MCM5: variants seen among roughly 807,000 people sequenced by gnomAD.
MCM5 encodes DNA replication licensing factor MCM5.
Under a neutral mutation model 79.9 loss-of-function variants are expected in MCM5, and 46 were observed. That is an observed-to-expected ratio of 0.58 (90% CI 0.45 to 0.74). The LOEUF is 0.74. Ranked by LOEUF, MCM5 falls within the 30% of genes least tolerant of loss-of-function variation. MCM5 has a pLI of 0.00. For missense variants in MCM5, 883 were observed against 1,017.0 expected (o/e 0.87, Z 1.79); for synonymous variants, 404 against 390.5 (o/e 1.03, Z -0.41).
intron 7 of MCM5, chr22:35,411,226 C>T: frequency 4.7e-6 from 1 of 212,674 alleles, no homozygotes; most frequent in Non-Finnish European, 9.5e-6. Context: ...ACGCAGGGTT[C>T]CAGGCAGGCA....
At chr22:35,451,086 A>C in the MCM5 span, among the ~76,000 whole-genome samples, 7 of 152,030 alleles carry the variant, frequency 4.6e-5, no homozygotes, top group Non-Finnish European at 8.8e-5. Context: ...TCTACCCCAA[A>C]TGGTGTTCAC....
At chr22:35,414,614 G>A (rs1282087708) in intron 9 of MCM5, among the ~76,000 whole-genome samples, 1 of 151,660 alleles carries the variant, frequency 6.6e-6, no homozygotes, top group African/African-American at 2.4e-5. Flanking sequence ...GTGAGACCAT[G>A]TTTCAAATAA....
rs1305337275 is a variant in MCM5 at position 35,410,793 on chromosome 22, A to G, written c.802A>G (p.Ile268Val). The G allele has an allele frequency of 6.2e-7, 1 of 1,614,088 alleles. No homozygotes were observed. Among genetic ancestry groups the G allele is most frequent in the Admixed American group, 1.7e-5 (1 of 60,008 alleles). Reference protein sequence around the residue: ...VPGNRVTIMGIYSIKKFGLTT... With the variant: ...VPGNRVTIMGVYSIKKFGLTT... ...TGGGAACAGGGTTACCATCATGGGC[A>G]TCTACTCCATCAAGAAGTTTGGCCT... Residue 268 changes from isoleucine to valine, a missense_variant, in exon 7 of 17, where the codon ATC (isoleucine) becomes GTC (valine). Transcript: ENST00000216122.
At chr22:35,421,667 C>T (rs1932699532) in intron 15 of MCM5, 1 of 676,200 alleles carries the variant, frequency 1.5e-6, no homozygotes, top group Non-Finnish European at 2.6e-6. Flanking sequence ...GAAGCAGCTT[C>T]TCTCCAGACC....
At chr22:35,453,815 T>G in the MCM5 span, among the ~76,000 whole-genome samples, 218 of 89,194 alleles carry the variant, frequency 2.4e-3, no homozygotes, top group East Asian at 0.018. Context: ...TATATATATA[T>G]ATATAGAGAG....
the MCM5 span, among the ~76,000 whole-genome samples, chr22:35,445,989 CCA>C: frequency 1.3e-5 from 2 of 152,226 alleles, no homozygotes; most frequent in Non-Finnish European, 2.9e-5. Context: ...TGGTTTATCT[CCA>C]CATCTTTCTG....
intron 9 of MCM5, among the ~76,000 whole-genome samples, chr22:35,415,074 T>C (rs1314365202): frequency 6.6e-6 from 1 of 151,954 alleles, no homozygotes; most frequent in Non-Finnish European, 1.5e-5. Flanking sequence ...CATTAAAAAG[T>C]AGCTGGGTGC....
chr22:35,420,129 C>G (rs1436957611), intron 14 of MCM5, 117 bp downstream of exon 14: 8 of 1,246,584 alleles, frequency 6.4e-6, no homozygotes, highest in African/African-American at 3.1e-5. Flanking sequence ...CCCATAGTAG[C>G]TCTGGGCAGG....
chr22:35,400,350 A>G (rs933501662), intron 1 of MCM5, 81 bp from the exon 2 acceptor site: 34 of 1,529,662 alleles, frequency 2.2e-5, no homozygotes, highest in Non-Finnish European at 2.8e-5. Context: ...CTCCGGACTC[A>G]GGGCAGGGAC....
chr22:35,440,521 G>A, the MCM5 span, among the ~76,000 whole-genome samples: 1 of 152,204 alleles, frequency 6.6e-6, no homozygotes, highest in Admixed American at 6.5e-5. Flanking sequence ...TACGGACCCT[G>A]CCTTCCATGT....
Position 35,416,653 on chromosome 22 carries a change from A to G in MCM5, c.1429A>G (p.Thr477Ala). ...CGCCTGTTAGGCTGGGATCACCACC[A>G]CCCTGAACTCCCGCTGCTCCGTCCT... ...ISIAKAGITTTLNSRCSVLAA... is the reference protein window; with the variant it reads ...ISIAKAGITTALNSRCSVLAA... The change falls in exon 12 of 17, where the codon ACC (threonine) becomes GCC (alanine). Residue 477 changes from threonine (T) to alanine (A), a missense_variant. Around this residue, in one of 3 missense-constraint regions of MCM5, gnomAD observed 426 missense variants for 482.3 expected, o/e 0.88. Coordinates refer to ENST00000216122, the MANE Select transcript of MCM5 (RefSeq NM_006739.4). The G allele has an allele frequency of 6.2e-7, 1 of 1,612,752 alleles. No individual in the cohort carries two copies. The highest frequency in any genetic ancestry group is 1.7e-5 in the Admixed American group (1 of 59,802).
At position 35,406,629 on chromosome 22, in the gene MCM5, G is replaced by C. The variant is rs200021712; in HGVS notation, c.500G>C (p.Arg167Pro). Reference protein sequence around the residue: ...AASAVRAKATRISIQCRSCRN... With the variant: ...AASAVRAKATPISIQCRSCRN... ...TCTGCGGTCCGTGCCAAGGCCACCCGCATCTCTATCCAGTGCCGCAGCTGC... is the reference window on the plus strand; with the variant it reads ...TCTGCGGTCCGTGCCAAGGCCACCCCCATCTCTATCCAGTGCCGCAGCTGC... The change falls in exon 5 of 17, where the codon CGC becomes CCC. Residue 167 changes from arginine to proline, a missense_variant. Physicochemically the swap from Arg to Pro is moderately radical, Grantham distance 103. This residue lies in a region of MCM5 where 455 missense variants were observed against 517.5 expected (regional missense o/e 0.88). Coordinates refer to ENST00000216122, the MANE Select transcript of MCM5 (RefSeq NM_006739.4). 5 of 1,613,076 alleles carry C rather than the reference G, an allele frequency of 3.1e-6. No homozygotes were observed. In the East Asian group the frequency reaches 1.1e-4, roughly 36 times the overall value.
chr22:35,444,509 C>A, the MCM5 span, among the ~76,000 whole-genome samples: 1 of 152,072 alleles, frequency 6.6e-6, no homozygotes, highest in African/African-American at 2.4e-5. Context: ...TGGGCTGTCG[C>A]GGCCCAGAGC....
In MCM5 at chr22:35,410,895, G is replaced by T; in HGVS notation, c.904G>T (p.Asp302Tyr). 6.2e-7 allele frequency: 1 copy of T among 1,604,780 alleles called. No homozygotes were observed. The highest frequency in any genetic ancestry group is 8.5e-7 in the Non-Finnish European group (1 of 1,173,486). The change falls in exon 7 of 17, where the codon GAC (aspartate) becomes TAC (tyrosine). Residue 302 changes from aspartate to tyrosine, a missense_variant. Physicochemically the swap from Asp to Tyr is radical, Grantham distance 160. Coordinates refer to ENST00000216122, the MANE Select transcript of MCM5 (RefSeq NM_006739.4). ...CATCCGTGTCCTGGGCATCCAGGTGGACACAGATGGCTCTGGTGAGTTGGC... is the reference window on the plus strand; with the variant it reads ...CATCCGTGTCCTGGGCATCCAGGTGTACACAGATGGCTCTGGTGAGTTGGC... ...SYIRVLGIQV[D>Y]TDGSGRSFAG... is the part of the protein sequence containing the mutation.
the MCM5 span, among the ~76,000 whole-genome samples, chr22:35,434,614 C>T: frequency 6.6e-6 from 1 of 152,212 alleles, no homozygotes; most frequent in Admixed American, 6.5e-5. Flanking sequence ...GATGAGAAAG[C>T]TTGGGCATTC....
chr22:35,450,074 A>G, the MCM5 span, among the ~76,000 whole-genome samples: 9 of 152,158 alleles, frequency 5.9e-5, no homozygotes, highest in Non-Finnish European at 1.2e-4. Flanking sequence ...CCTTGGGCTG[A>G]GAAGGAGACA....
At chr22:35,421,729 G>T in intron 15 of MCM5, 1 of 503,010 alleles carries the variant, frequency 2.0e-6, no homozygotes, top group Non-Finnish European at 3.6e-6. Flanking sequence ...CTTCTCACTG[G>T]CTAGGAACAA....
the MCM5 span, among the ~76,000 whole-genome samples, chr22:35,438,566 T>TCCAC: frequency 6.9e-6 from 1 of 145,942 alleles, no homozygotes. Flanking sequence ...TATTCATCCA[T>TCCAC]CCATCCATCC....
the MCM5 span, among the ~76,000 whole-genome samples, chr22:35,442,288 C>T: frequency 1.9e-4 from 29 of 151,622 alleles, no homozygotes; most frequent in Non-Finnish European, 2.9e-4. Context: ...CCTCCGTCTG[C>T]GCTTCTCTCT....
Sources: gnomAD v4.1 joint callset for allele counts (sites outside exome capture counted in the v4.1 genomes callset) on GRCh38, gnomAD v4.1.1 for gene constraint, gnomAD v4.1.1 regional missense constraint, MANE v1.5 for transcripts, NCBI Gene and HGNC (gene_info 2026-07-23, HGNC 2026-07-21) for gene names.